The following NOD1 variants were observed in gnomAD, a reference collection of about 807,000 sequenced individuals.
NOD1 encodes the protein nucleotide-binding oligomerization domain-containing protein 1.
A neutral mutation model predicts 81.2 loss-of-function variants in NOD1; 70 were observed. That is an observed-to-expected ratio of 0.86 (90% CI 0.71 to 1.05). The LOEUF (loss-of-function observed/expected upper bound fraction) is 1.05, where lower values mean the gene tolerates loss of function less well. NOD1 is among the 50% of genes least tolerant of loss of function. The pLI is 0.00. For missense variants in NOD1, 1,233 were observed against 1,228.0 expected, an observed-to-expected ratio of 1.00 and a Z score of -0.06; for synonymous variants, 508 against 526.9, an observed-to-expected ratio of 0.96 and a Z score of 0.49.
intron 7 of NOD1, chr7:30,447,853 A>G (rs1785267849): frequency 6.3e-6 from 1 of 158,824 alleles, no homozygotes; most frequent in South Asian, 1.9e-4. Context: ...AGAAATATGA[A>G]AGTGTTTGAA....
In NOD1 at chr7:30,453,089, A is replaced by G. The variant is rs368798078; in HGVS notation, c.377-49T>C. ...ACAGCAGCAGGGTGAGGAGAGAGGC[A>G]GAAACAGCATCAAACAGGGAGGTCT... On this transcript the variant is annotated intron_variant, in intron 5 of 13. Transcript: ENST00000222823. The G allele has an allele frequency of 3.9e-6, 6 of 1,551,274 alleles. No individual in the cohort carries two copies. The East Asian group carries it at 6.8e-5, about 18-fold the overall frequency.
intron 1 of NOD1, among the ~76,000 whole-genome samples, chr7:30,475,123 T>C (rs1291647013): frequency 1.3e-5 from 2 of 152,226 alleles, no homozygotes; most frequent in Non-Finnish European, 2.9e-5. Flanking sequence ...AGAAAACGAA[T>C]ACTCTCCCAA....
intron 4 of NOD1, 34 bp downstream of exon 4, chr7:30,456,687 C>T: frequency 6.3e-7 from 1 of 1,579,974 alleles, no homozygotes; most frequent in South Asian, 1.1e-5. Context: ...CCGGGGTCCA[C>T]ACAATGCCAT....
At chr7:30,466,625 C>G (rs1787720843) in intron 1 of NOD1, among the ~76,000 whole-genome samples, 1 of 152,122 alleles carries the variant, frequency 6.6e-6, no homozygotes, top group African/African-American at 2.4e-5. Flanking sequence ...TATGATCACA[C>G]CACTGTACTC....
chr7:30,467,396 G>A lies in NOD1; in HGVS notation c.-351-7355C>T, dbSNP rs1787807405. 6.6e-6 allele frequency among the ~76,000 whole-genome samples: 1 copy of A among 151,930 alleles called. No homozygotes were observed. Among genetic ancestry groups the A allele is most frequent in the Non-Finnish European group, 1.5e-5 (1 of 67,988 alleles). On this transcript the variant is annotated intron_variant, in intron 1 of 13. Transcript: ENST00000222823. The surrounding 1 kb of genome is among the most constrained non-coding windows in gnomAD (Gnocchi z 4.5). ...ACTTGCATGATTGAAATATTTTAGG[G>A]CCTTTTCCTCATTAGGGCATCTCAG...
chr7:30,456,606 G>T, intron 4 of NOD1, 115 bp downstream of exon 4: 1 of 848,642 alleles, frequency 1.2e-6, no homozygotes, highest in Non-Finnish European at 1.9e-6. Flanking sequence ...ACCCCAAAAT[G>T]CAGCCCTGCC....
At position 30,455,145 on chromosome 7, in the gene NOD1, G is replaced by C; in HGVS notation, c.368C>G (p.Thr123Ser). The C allele has an allele frequency of 1.2e-6, 2 of 1,613,886 alleles. No homozygotes were observed. The highest frequency in any genetic ancestry group is 1.7e-6 in the Non-Finnish European group (2 of 1,179,988). The change falls in exon 5 of 14, where the codon ACT becomes AGT. Residue 123 changes from threonine (T) to serine (S), a missense_variant. Coordinates refer to ENST00000222823, the MANE Select transcript of NOD1 (RefSeq NM_006092.4). ...LLTQSKVVVN[T>S]DPVSRYTQQL... ...CTGGGGCTGACTCCTACCTGGGTCA[G>C]TGTTGACCACGACTTTGCTCTGAGT...
Position 30,451,085 on chromosome 7 carries a change from GA to G in NOD1, c.2201+130del. 1.8e-6 allele frequency: 2 copies of G among 1,123,412 alleles called. No homozygotes were observed. The highest frequency in any genetic ancestry group is 2.5e-6 in the Non-Finnish European group (2 of 813,966). 69.6% of individuals were successfully genotyped at this position (1,123,412 alleles called of 1,614,324 possible). A position where few individuals can be genotyped will look rare whatever the true frequency, so the allele number is the denominator to read the frequency against. On this transcript the variant is annotated intron_variant, in intron 6 of 13. Transcript: ENST00000222823. This position sits in a 1 kb window ranked among gnomAD's most constrained non-coding sequence, Gnocchi z 4.2. ...CCTTGACCTCTGCCCTGCTAAGAAA[GA>G]AAAGGTCTGGACATTCCAAGGGCCA... is the stretch of plus-strand genomic sequence containing the variant.
rs755893337 is a variant in NOD1, at chr7:30,452,759, C to G, written c.658G>C (p.Ala220Pro). The change falls in exon 6 of 14, where the codon GCC becomes CCC. Residue 220 changes from alanine to proline, a missense_variant. Transcript: ENST00000222823. The part of the protein sequence containing the change: ...MLLQRLQSLW[A>P]TGRLDAGVKF... ...ACCCCTGCGTCTAGCCGGCCCGTGG[C>G]CCAGAGGCTCTGCAGCCGCTGTAGC... 1 of 1,614,064 alleles carries G rather than the reference C, an allele frequency of 6.2e-7. No individual in the cohort carries two copies. Among genetic ancestry groups the G allele is most frequent in the East Asian group, 2.2e-5 (1 of 44,884 alleles).
In NOD1 at chr7:30,451,509, G is replaced by C; in HGVS notation, c.1908C>G (p.Pro636=). Residue 636 remains proline, a synonymous_variant, in exon 6 of 14, where the codon CCC becomes CCG. Transcript: ENST00000222823. The surrounding 1 kb of genome is among the most constrained non-coding windows in gnomAD (Gnocchi z 4.2). ...SSLRGYLKSL[P]RVQVESFNQV... ...GGTTGAAGCTTTCGACCTGAACGCG[G>C]GGCAGGCTCTTCAGGTAGCCCCGCA... is the stretch of plus-strand genomic sequence containing the variant. The C allele has an allele frequency of 6.2e-7, 1 of 1,613,126 alleles. No individual in the cohort carries two copies. Among genetic ancestry groups the C allele is most frequent in the Non-Finnish European group, 8.5e-7 (1 of 1,179,858 alleles).
Position 30,451,283 on chromosome 7 carries a change from T to C in NOD1, c.2134A>G (p.Asn712Asp). 6.2e-7 allele frequency: 1 copy of C among 1,614,138 alleles called. No individual in the cohort carries two copies. Among genetic ancestry groups the C allele is most frequent in the South Asian group, 1.1e-5 (1 of 91,090 alleles). The change falls in exon 6 of 14, where the codon AAC (asparagine) becomes GAC (aspartate). Residue 712 changes from asparagine to aspartate, a missense_variant. Asn to Asp is a conservative substitution (Grantham distance 23). Coordinates refer to ENST00000222823, the MANE Select transcript of NOD1 (RefSeq NM_006092.4). This position sits in a 1 kb window ranked among gnomAD's most constrained non-coding sequence, Gnocchi z 4.2. ...ACGCCGTAGTCGTTGAGATTGTTGT[T>C]GTCTAGGTCTAGGGCCAGCCGCTTG... Reference protein sequence around the residue: ...FPKRLALDLDNNNLNDYGVRE... With the variant: ...FPKRLALDLDDNNLNDYGVRE...
chr7:30,472,554 T>G (rs1431976678), intron 1 of NOD1, among the ~76,000 whole-genome samples: 1 of 152,264 alleles, frequency 6.6e-6, no homozygotes, highest in Non-Finnish European at 1.5e-5. Context: ...ACTTATGGAC[T>G]GATGTTTATG....
intron 1 of NOD1, among the ~76,000 whole-genome samples, chr7:30,466,064 G>A (rs892488881): frequency 5.3e-5 from 8 of 152,196 alleles, no homozygotes; most frequent in African/African-American, 9.7e-5. Flanking sequence ...CAACCTTGGC[G>A]GCCACAGGAA....
chr7:30,431,459 T>C (rs1783950073), intron 12 of NOD1, among the ~76,000 whole-genome samples: 1 of 152,338 alleles, frequency 6.6e-6, no homozygotes, highest in South Asian at 2.1e-4. Context: ...TATAAATCAA[T>C]GGACCAGAAC....
chr7:30,468,634 T>A (rs1787949497), intron 1 of NOD1, among the ~76,000 whole-genome samples: 1 of 152,214 alleles, frequency 6.6e-6, no homozygotes, highest in African/African-American at 2.4e-5. Flanking sequence ...CATCATTCCC[T>A]GCCTACCTCA....
chr7:30,470,964 C>T (rs751253094), intron 1 of NOD1, among the ~76,000 whole-genome samples: 17 of 152,076 alleles, frequency 1.1e-4, no homozygotes, highest in Non-Finnish European at 1.8e-4. Context: ...AGGACTGACA[C>T]AGAAAGTGTC....
chr7:30,430,259 G>A (rs1783828584), intron 12 of NOD1, among the ~76,000 whole-genome samples: 1 of 152,196 alleles, frequency 6.6e-6, no homozygotes, highest in Non-Finnish European at 1.5e-5. Context: ...TGGGGACTCT[G>A]AGAATGCACC....
chr7:30,453,132 T>C, intron 5 of NOD1, 92 bp from the exon 6 acceptor site: 1 of 1,407,740 alleles, frequency 7.1e-7, no homozygotes, highest in Non-Finnish European at 9.6e-7. Context: ...GAGAGGCGAG[T>C]GCATAAACAA....
chr7:30,447,049 A>G lies in NOD1; in HGVS notation c.2287T>C (p.Leu763=). 1.2e-6 allele frequency: 2 copies of G among 1,614,012 alleles called. No homozygotes were observed. Among genetic ancestry groups the G allele is most frequent in the Non-Finnish European group, 1.7e-6 (2 of 1,179,894 alleles). The part of the protein sequence containing the change: ...TKYKIVTYLG[L]YNNQITDVGA... The stretch of plus-strand genomic sequence containing the variant: ...ACATCGGTGATCTGGTTGTTGTATA[A>G]ACTTCAAGAGAAAGCACAGCCATGA... The change falls in exon 8 of 14, where the codon TTA becomes CTA. Residue 763 remains leucine, a splice_region_variant and synonymous_variant. Coordinates refer to ENST00000222823, the MANE Select transcript of NOD1 (RefSeq NM_006092.4).
Sources: allele counts gnomAD v4.1 joint callset (sites outside exome capture counted in the v4.1 genomes callset), GRCh38; gene constraint gnomAD v4.1.1; non-coding constraint Gnocchi (gnomAD v3.1); transcripts MANE v1.5; gene names NCBI Gene and HGNC (gene_info 2026-07-23, HGNC 2026-07-21).